CYP39A1: variants seen among roughly 807,000 people sequenced by gnomAD.
CYP39A1 encodes the protein 24-hydroxycholesterol 7-alpha-hydroxylase.
Under a neutral mutation model 58.1 loss-of-function variants are expected in CYP39A1, and 49 were observed. The ratio of observed to expected loss-of-function variants is 0.84; its 90% CI spans 0.67 to 1.07. CYP39A1 has a LOEUF of 1.07. Among genes scored for constraint, CYP39A1 ranks in the 50% least tolerant of loss-of-function variants. The pLI is 0.00. For missense variants in CYP39A1, 531 were observed against 539.4 expected, an observed-to-expected ratio of 0.98 and a Z score of 0.16; for synonymous variants, 209 against 187.6, an observed-to-expected ratio of 1.11 and a Z score of -0.93.
chr6:46,634,523 G>GTT (rs530045412), intron 5 of CYP39A1, among the ~76,000 whole-genome samples: 9,718 of 130,758 alleles, frequency 0.074, 650 homozygotes, highest in Admixed American at 0.18. Context: ...TTTTCTTTTT[G>GTT]CTTTTTTTTT....
intron 10 of CYP39A1, among the ~76,000 whole-genome samples, chr6:46,558,477 G>A (rs1256694459): frequency 2.0e-5 from 3 of 151,938 alleles, no homozygotes; most frequent in Non-Finnish European, 4.4e-5. Flanking sequence ...ACATCAAGGG[G>A]GAAGTTCACC....
intron 5 of CYP39A1, among the ~76,000 whole-genome samples, chr6:46,634,514 T>TA (rs1400445834): frequency 1.4e-5 from 2 of 139,162 alleles, no homozygotes; most frequent in African/African-American, 5.3e-5. Context: ...TTACTTTTTT[T>TA]TTCTTTTTGC....
intron 10 of CYP39A1, among the ~76,000 whole-genome samples, chr6:46,562,343 G>T (rs1274095701): frequency 6.6e-6 from 1 of 151,254 alleles, no homozygotes; most frequent in Admixed American, 6.6e-5. Context: ...GATTTTAAGT[G>T]TTCTCACCTC....
At chr6:46,559,901 T>C (rs1770882173) in intron 10 of CYP39A1, among the ~76,000 whole-genome samples, 1 of 152,206 alleles carries the variant, frequency 6.6e-6, no homozygotes, top group Admixed American at 6.5e-5. Context: ...TGTGTCCTTA[T>C]GTGCTTTATA....
rs556909632 is a variant in CYP39A1, at chr6:46,557,108, G to T, written c.1251-3254C>A. 5.8e-4 allele frequency among the ~76,000 whole-genome samples: 88 copies of T among 151,860 alleles called. 1 individual carries two copies. The South Asian group carries it at 0.017, about 30-fold the overall frequency. On this transcript the variant is annotated intron_variant, in intron 10 of 11. Coordinates refer to ENST00000275016, the MANE Select transcript of CYP39A1 (RefSeq NM_016593.5). ...GATGGTAAAATGCTGCCAAAGAAAAGATAATGGAATTTAATTAACATAACA... is the reference window on the plus strand; with the variant it reads ...GATGGTAAAATGCTGCCAAAGAAAATATAATGGAATTTAATTAACATAACA...
At chr6:46,567,381 T>A (rs529206851) in intron 10 of CYP39A1, among the ~76,000 whole-genome samples, 1 of 152,132 alleles carries the variant, frequency 6.6e-6, no homozygotes, top group East Asian at 1.9e-4. Flanking sequence ...CAATCAACAC[T>A]TTGGTTGTTT....
At position 46,642,098 on chromosome 6, in the gene CYP39A1, T is replaced by C. The variant is rs1266986058; in HGVS notation, c.313+65A>G. 2.7e-5 allele frequency: 42 copies of C among 1,540,986 alleles called. 1 individual carries two copies. In the South Asian group the frequency reaches 4.4e-4, roughly 16 times the overall value. The stretch of plus-strand genomic sequence containing the variant: ...GATAGAGGAATGAGGATGTAATTTT[T>C]ACCTAAAACTACTCCTGGATTCCAA... On this transcript the variant is annotated intron_variant, in intron 2 of 11. Coordinates refer to ENST00000275016, the MANE Select transcript of CYP39A1 (RefSeq NM_016593.5).
rs755666499 is a variant in CYP39A1 at position 46,605,555 on chromosome 6, C to T, written c.932-9435G>A. On this transcript the variant is annotated intron_variant, in intron 7 of 11. Transcript: ENST00000275016. ...CAGTGAGGCAATGCAATGCAGAAAA[C>T]GTGGCAGACACGCAGAAGGGAAAGA... 2.6e-5 allele frequency among the ~76,000 whole-genome samples: 4 copies of T among 152,156 alleles called. No homozygotes were observed. In the East Asian group the frequency reaches 7.7e-4, roughly 29 times the overall value.
At chr6:46,580,569 A>G (rs1237088279) in intron 10 of CYP39A1, among the ~76,000 whole-genome samples, 1 of 152,198 alleles carries the variant, frequency 6.6e-6, no homozygotes, top group Non-Finnish European at 1.5e-5. Flanking sequence ...TAAACAGACA[A>G]TCTACAGAAT....
chr6:46,608,859 C>T (rs1177222248), intron 7 of CYP39A1, among the ~76,000 whole-genome samples: 5 of 151,894 alleles, frequency 3.3e-5, no homozygotes, highest in African/African-American at 9.7e-5. Flanking sequence ...GGTGATCCAC[C>T]CACCTCGGCC....
At chr6:46,592,093 A>G (rs1449414476) in intron 8 of CYP39A1, among the ~76,000 whole-genome samples, 2 of 152,188 alleles carry the variant, frequency 1.3e-5, no homozygotes, top group African/African-American at 4.8e-5. Context: ...AGAGTTTTAG[A>G]AAGGTAGCAT....
chr6:46,581,537 T>C (rs1187830986), intron 10 of CYP39A1, among the ~76,000 whole-genome samples: 1 of 152,030 alleles, frequency 6.6e-6, no homozygotes, highest in East Asian at 1.9e-4. Flanking sequence ...CAGCTGAAGA[T>C]CATTATCCTA....
At chr6:46,568,773 ACT>A (rs1771427310) in intron 10 of CYP39A1, among the ~76,000 whole-genome samples, 1 of 152,034 alleles carries the variant, frequency 6.6e-6, no homozygotes. Context: ...TCAACAGCAC[ACT>A]GTTTTAATTA....
chr6:46,641,383 T>C (rs889711745), intron 2 of CYP39A1, among the ~76,000 whole-genome samples: 4 of 152,054 alleles, frequency 2.6e-5, no homozygotes, highest in African/African-American at 7.2e-5. Context: ...TGATTACTGG[T>C]AGCTTTTAAA....
intron 10 of CYP39A1, among the ~76,000 whole-genome samples, chr6:46,569,230 G>C (rs180814024): frequency 6.6e-6 from 1 of 152,040 alleles, no homozygotes; most frequent in Admixed American, 6.6e-5. Context: ...TGTTCATACT[G>C]TATCCTGCTA....
chr6:46,568,837 GTTC>G (rs756578710), intron 10 of CYP39A1, among the ~76,000 whole-genome samples: 194 of 151,744 alleles, frequency 1.3e-3, no homozygotes, highest in South Asian at 2.7e-3. Context: ...CCTCCATTTT[GTTC>G]TTCTCTTTCA....
intron 7 of CYP39A1, among the ~76,000 whole-genome samples, chr6:46,616,751 A>T (rs1383182387): frequency 1.3e-5 from 2 of 152,198 alleles, no homozygotes; most frequent in Non-Finnish European, 2.9e-5. Context: ...GGTAAAATAA[A>T]CAAGGATGAA....
intron 10 of CYP39A1, among the ~76,000 whole-genome samples, chr6:46,576,997 T>A (rs1561959996): frequency 6.6e-6 from 1 of 151,972 alleles, no homozygotes; most frequent in Admixed American, 6.5e-5. Flanking sequence ...CCAAAGTCAA[T>A]GCAAAAGAAA....
chr6:46,575,746 C>A (rs184187470), intron 10 of CYP39A1, among the ~76,000 whole-genome samples: 1 of 152,142 alleles, frequency 6.6e-6, no homozygotes, highest in Non-Finnish European at 1.5e-5. Context: ...TCTCAAGGGG[C>A]CCCAGAACAA....
Sources: allele counts gnomAD v4.1 joint callset (sites outside exome capture counted in the v4.1 genomes callset), GRCh38; gene constraint gnomAD v4.1.1; transcripts MANE v1.5; gene names NCBI Gene and HGNC (gene_info 2026-07-23, HGNC 2026-07-21).